The following GALC variants were observed in gnomAD, a reference collection of about 807,000 sequenced individuals.
The protein encoded by GALC is galactocerebrosidase.
A neutral mutation model predicts 91.8 loss-of-function variants in GALC; 77 were observed. That is an observed-to-expected ratio of 0.84 (90% confidence interval 0.70 to 1.01). The LOEUF is 1.01. Ranked by LOEUF, GALC falls within the 50% of genes least tolerant of loss-of-function variation. The pLI is 0.00. For missense variants in GALC, 882 were observed against 855.9 expected, an observed-to-expected ratio of 1.03 and a Z score of -0.38; for synonymous variants, 357 against 306.7, an observed-to-expected ratio of 1.16 and a Z score of -1.71.
At chr14:87,952,545 A>G in intron 10 of GALC, 2 of 858,522 alleles carry the variant, frequency 2.3e-6, no homozygotes, top group Non-Finnish European at 3.8e-6. Flanking sequence ...TCCACTAAAA[A>G]TGACAGTATC....
intron 10 of GALC, among the ~76,000 whole-genome samples, chr14:87,958,891 A>G (rs1885674913): frequency 6.6e-6 from 1 of 152,152 alleles, no homozygotes; most frequent in Admixed American, 6.5e-5. Context: ...CTATAAAACT[A>G]GAAAAAAAAC....
chr14:87,939,271 G>A (rs979998543), intron 16 of GALC, among the ~76,000 whole-genome samples: 1 of 151,786 alleles, frequency 6.6e-6, no homozygotes, highest in East Asian at 1.9e-4. Flanking sequence ...CAAAGTTATT[G>A]GAATCTGATT....
chr14:87,946,386 G>C lies in GALC; in HGVS notation c.1490-653C>G, dbSNP rs573298140. Among the ~76,000 whole-genome samples the C allele has an allele frequency of 2.8e-3, 420 of 152,042 alleles. 4 individuals carry two copies. Among genetic ancestry groups the C allele is most frequent in the African/African-American group, 9.6e-3 (398 of 41,512 alleles). ...TCTTACAATAATGAATGCTGTAGAG[G>C]AGAAATTTTACATATCTTATAGCTC... On this transcript the variant is annotated intron_variant, in intron 13 of 16. Coordinates refer to ENST00000261304, the MANE Select transcript of GALC (RefSeq NM_000153.4).
chr14:87,985,295 TA>T (rs1279214142), intron 4 of GALC, among the ~76,000 whole-genome samples: 1 of 151,958 alleles, frequency 6.6e-6, no homozygotes, highest in Non-Finnish European at 1.5e-5. Context: ...CTGAAAAAAA[TA>T]AAAATCAAAA....
In GALC at chr14:87,986,219, C is replaced by G. The variant is rs115027658; in HGVS notation, c.442+270G>C. Among the ~76,000 whole-genome samples the G allele has an allele frequency of 3.8e-3, 580 of 152,298 alleles. 3 individuals carry two copies. The highest frequency in any genetic ancestry group is 0.013 in the African/African-American group (553 of 41,566). ...TTACTAACTGTCTATGACCTTAGGT[C>G]AGTGGCATAATCTTCCTAAGCTTCT... On this transcript the variant is annotated intron_variant, in intron 4 of 16. Transcript: ENST00000261304.
intron 16 of GALC, among the ~76,000 whole-genome samples, chr14:87,936,916 A>ATATATATATATT (rs1431339979): frequency 3.6e-5 from 5 of 139,564 alleles, no homozygotes; most frequent in African/African-American, 1.4e-4. Flanking sequence ...ATATATATTT[A>ATATATATATATT]TTTATTTTCT....
At chr14:87,960,320 GGTGTAA>G (rs965930766) in intron 10 of GALC, among the ~76,000 whole-genome samples, 4 of 152,182 alleles carry the variant, frequency 2.6e-5, no homozygotes, top group Non-Finnish European at 5.9e-5. Context: ...TTGGACAGGA[GGTGTAA>G]GTTCTGGTGT....
At chr14:87,979,499 C>G (rs976042162) in intron 6 of GALC, among the ~76,000 whole-genome samples, 1 of 152,168 alleles carries the variant, frequency 6.6e-6, no homozygotes, top group Admixed American at 6.5e-5. Flanking sequence ...GAAAATATGT[C>G]TTAGAGCAAC....
intron 10 of GALC, chr14:87,954,835 T>C: frequency 6.2e-7 from 1 of 1,606,504 alleles, no homozygotes; most frequent in Non-Finnish European, 8.5e-7. Context: ...GAACAGGATC[T>C]ACAAACAATG....
In GALC at chr14:87,945,741, G is replaced by A. The variant is rs1362723313; in HGVS notation, c.1490-8C>T. The A allele has an allele frequency of 6.2e-7, 1 of 1,600,960 alleles. No homozygotes were observed. The highest frequency in any genetic ancestry group is 1.7e-5 in the Admixed American group (1 of 59,786). On this transcript the variant is annotated splice_polypyrimidine_tract_variant and splice_region_variant and intron_variant, in intron 13 of 16. Transcript: ENST00000261304. ...CACTAAAAAATGGGTAATCTGTTCA[G>A]AATGTAAGAAATTCTCTGTTTAGTA... is the stretch of plus-strand genomic sequence containing the variant.
At chr14:87,944,133 G>A (rs140123319) in intron 14 of GALC, among the ~76,000 whole-genome samples, 15 of 152,040 alleles carry the variant, frequency 9.9e-5, no homozygotes, top group African/African-American at 3.4e-4. Context: ...AGTAAAAACT[G>A]AGTATTGCTA....
intron 10 of GALC, among the ~76,000 whole-genome samples, chr14:87,961,460 T>C (rs1356527241): frequency 1.3e-5 from 2 of 152,134 alleles, no homozygotes; most frequent in Admixed American, 6.6e-5. Flanking sequence ...CACTCCTACA[T>C]ACATACCCAA....
intron 6 of GALC, among the ~76,000 whole-genome samples, chr14:87,977,064 A>G (rs911292159): frequency 6.6e-6 from 1 of 151,504 alleles, no homozygotes; most frequent in African/African-American, 2.4e-5. Context: ...AAATAATCAA[A>G]TGGTACTACC....
chr14:87,952,526 T>C, intron 10 of GALC: 1 of 737,708 alleles, frequency 1.4e-6, no homozygotes, highest in Non-Finnish European at 2.4e-6. Context: ...CAGCCTAGTA[T>C]CCTGTTGCTC....
intron 7 of GALC, among the ~76,000 whole-genome samples, chr14:87,973,265 A>C (rs1351946051): frequency 2.6e-5 from 4 of 152,210 alleles, no homozygotes; most frequent in African/African-American, 9.6e-5. Context: ...CATTTAATAG[A>C]TAATTACACT....
At chr14:87,944,161 T>C (rs1036440415) in intron 14 of GALC, among the ~76,000 whole-genome samples, 1 of 152,000 alleles carries the variant, frequency 6.6e-6, no homozygotes, top group Non-Finnish European at 1.5e-5. Context: ...TGTGAAGATG[T>C]ATATGAAGAT....
chr14:87,939,977 T>A lies in GALC; in HGVS notation c.1839A>T (p.Gly613=). The A allele has an allele frequency of 6.2e-7, 1 of 1,608,514 alleles. No individual in the cohort carries two copies. Among genetic ancestry groups the A allele is most frequent in the South Asian group, 1.1e-5 (1 of 90,982 alleles). The change falls in exon 16 of 17, where the codon GGA becomes GGT. Residue 613 remains glycine (G), a synonymous_variant. Transcript: ENST00000261304. The stretch of plus-strand genomic sequence containing the variant: ...CACGTCCTAAAGCATATATAATCCA[T>A]CCAGCTGTAACACAAAAATATTATC... ...GSYRVTGDLA[G]WIIYALGRVE... is the part of the protein sequence containing the mutation.
chr14:87,962,428 CT>C (rs1301728231), intron 10 of GALC, among the ~76,000 whole-genome samples: 1 of 152,012 alleles, frequency 6.6e-6, no homozygotes, highest in Non-Finnish European at 1.5e-5. Flanking sequence ...TAATAGACAC[CT>C]TTGGTTTGAA....
At chr14:87,939,675 A>T (rs1039056408) in intron 16 of GALC, among the ~76,000 whole-genome samples, 1 of 151,822 alleles carries the variant, frequency 6.6e-6, no homozygotes, top group South Asian at 2.1e-4. Flanking sequence ...ACAAAATAAA[A>T]TTTTTTAAAA....
Sources: allele counts gnomAD v4.1 joint callset (sites outside exome capture counted in the v4.1 genomes callset), GRCh38; gene constraint gnomAD v4.1.1; transcripts MANE v1.5; gene names NCBI Gene and HGNC (gene_info 2026-07-23, HGNC 2026-07-21).